DAPK1: variants seen among roughly 807,000 people sequenced by gnomAD.
The protein encoded by DAPK1 is death associated protein kinase 1.
A neutral mutation model predicts 144.9 loss-of-function variants in DAPK1; 56 were observed. The ratio of observed to expected loss-of-function variants is 0.39; its 90% confidence interval spans 0.31 to 0.48. DAPK1 has a LOEUF of 0.48. Among genes scored for constraint, DAPK1 ranks in the 20% least tolerant of loss-of-function variants. The probability of loss-of-function intolerance (pLI) is 0.95; values close to 1 mark genes in which losing one functional copy is unlikely to be tolerated. For synonymous variants in DAPK1, 690 were observed against 749.0 expected (o/e 0.92, Z 1.29); for missense variants, 1,454 against 1,875.4 (o/e 0.78, Z 4.15).
intron 2 of DAPK1, among the ~76,000 whole-genome samples, chr9:87,533,478 G>A (rs144032836): frequency 1.4e-3 from 206 of 152,326 alleles, no homozygotes; most frequent in African/African-American, 4.7e-3. Context: ...GAAGGCACCT[G>A]CTCCTGTGGG....
intron 2 of DAPK1, among the ~76,000 whole-genome samples, chr9:87,549,773 T>C (rs967131193): frequency 6.6e-6 from 1 of 152,178 alleles, no homozygotes; most frequent in African/African-American, 2.4e-5. Context: ...TCAGTGTTAA[T>C]GTTTTTCCAC....
intron 3 of DAPK1, among the ~76,000 whole-genome samples, chr9:87,611,433 A>T (rs1828924685): frequency 6.6e-6 from 1 of 152,002 alleles, no homozygotes; most frequent in Admixed American, 6.6e-5. Flanking sequence ...CTGGGGTGTA[A>T]GCCACTGGGC....
At chr9:87,665,403 G>C (rs1831016043) in intron 18 of DAPK1, among the ~76,000 whole-genome samples, 2 of 152,196 alleles carry the variant, frequency 1.3e-5, no homozygotes, top group South Asian at 4.1e-4. Context: ...GTGCTAAGTA[G>C]ATGAGCCCTT....
chr9:87,511,867 C>T (rs760459557), intron 2 of DAPK1, among the ~76,000 whole-genome samples: 4 of 151,938 alleles, frequency 2.6e-5, no homozygotes. Context: ...CCTGCCACTA[C>T]ACCCAGCTAA....
chr9:87,679,396 C>T (rs1245389577), intron 19 of DAPK1, among the ~76,000 whole-genome samples: 1 of 152,072 alleles, frequency 6.6e-6, no homozygotes, highest in African/African-American at 2.4e-5. Context: ...CAGGCTGCAC[C>T]TCACGGCTCC....
At chr9:87,610,559 A>G (rs1156701993) in intron 3 of DAPK1, among the ~76,000 whole-genome samples, 1 of 152,238 alleles carries the variant, frequency 6.6e-6, no homozygotes, top group Non-Finnish European at 1.5e-5. Context: ...ACAGCTAGGT[A>G]TTTTGGTCTG....
At chr9:87,659,931 A>C (rs74751683) in intron 18 of DAPK1, among the ~76,000 whole-genome samples, 1 of 152,128 alleles carries the variant, frequency 6.6e-6, no homozygotes, top group African/African-American at 2.4e-5. Flanking sequence ...TGGGAGAGGG[A>C]TGCTGACCTG....
At chr9:87,621,730 C>CT (rs1278428538) in intron 3 of DAPK1, among the ~76,000 whole-genome samples, 1 of 152,096 alleles carries the variant, frequency 6.6e-6, no homozygotes, top group Non-Finnish European at 1.5e-5. Context: ...TGACTCTGGG[C>CT]TTTTTTCTCT....
At chr9:87,642,448 G>T (rs540553567) in intron 10 of DAPK1, among the ~76,000 whole-genome samples, 10 of 152,278 alleles carry the variant, frequency 6.6e-5, no homozygotes, top group South Asian at 4.2e-4. Flanking sequence ...TCTCAGCCCA[G>T]CCTTTATCTG....
chr9:87,622,668 T>C (rs998781823), intron 3 of DAPK1, among the ~76,000 whole-genome samples: 2 of 152,140 alleles, frequency 1.3e-5, no homozygotes, highest in East Asian at 1.9e-4. Context: ...CCTAGCACTT[T>C]GGGAGGCCGA....
At chr9:87,660,592 C>T (rs1830807931) in intron 18 of DAPK1, among the ~76,000 whole-genome samples, 1 of 152,162 alleles carries the variant, frequency 6.6e-6, no homozygotes, top group East Asian at 1.9e-4. Flanking sequence ...GAGCAAAGCA[C>T]ATTGTACCCA....
At chr9:87,625,780 T>C (rs1829469360) in intron 3 of DAPK1, among the ~76,000 whole-genome samples, 1 of 152,244 alleles carries the variant, frequency 6.6e-6, no homozygotes, top group Non-Finnish European at 1.5e-5. Flanking sequence ...TGCAGAAAGA[T>C]TGATAAGTTT....
intron 3 of DAPK1, among the ~76,000 whole-genome samples, chr9:87,615,868 C>G (rs1419929204): frequency 2.0e-5 from 3 of 152,230 alleles, no homozygotes; most frequent in Admixed American, 6.5e-5. Context: ...CAGACAGTAG[C>G]CTCTTGGAGA....
At chr9:87,572,949 C>A (rs1480653299) in intron 2 of DAPK1, among the ~76,000 whole-genome samples, 7 of 152,182 alleles carry the variant, frequency 4.6e-5, no homozygotes, top group African/African-American at 7.2e-5. Flanking sequence ...TATTGCCAAG[C>A]CTGGCTGAGA....
chr9:87,649,332 C>G (rs1196700820), intron 15 of DAPK1, among the ~76,000 whole-genome samples: 1 of 152,194 alleles, frequency 6.6e-6, no homozygotes, highest in Non-Finnish European at 1.5e-5. Context: ...GATGTTGATC[C>G]TGAAGATACA....
chr9:87,538,372 C>G (rs902111472), intron 2 of DAPK1, among the ~76,000 whole-genome samples: 5 of 152,184 alleles, frequency 3.3e-5, no homozygotes, highest in African/African-American at 1.2e-4. Flanking sequence ...AATATTCAGT[C>G]ATTTCCCAAG....
At chr9:87,658,392 A>G (rs895198754) in intron 18 of DAPK1, among the ~76,000 whole-genome samples, 1 of 151,980 alleles carries the variant, frequency 6.6e-6, no homozygotes, top group Non-Finnish European at 1.5e-5. Flanking sequence ...TTTGTTTTTC[A>G]TGTCACACAC....
intron 18 of DAPK1, among the ~76,000 whole-genome samples, chr9:87,664,357 A>G (rs1830975213): frequency 6.6e-6 from 1 of 152,136 alleles, no homozygotes; most frequent in Non-Finnish European, 1.5e-5. Context: ...ACACAGGCAC[A>G]CATCTCTCTG....
intron 2 of DAPK1, among the ~76,000 whole-genome samples, chr9:87,597,415 A>C (rs994907791): frequency 6.6e-6 from 1 of 152,136 alleles, no homozygotes; most frequent in Non-Finnish European, 1.5e-5. Context: ...ATGGGGGGGA[A>C]AATGTAGAGA....
Sources: gnomAD v4.1 joint callset for allele counts (sites outside exome capture counted in the v4.1 genomes callset) on GRCh38, gnomAD v4.1.1 for gene constraint, MANE v1.5 for transcripts, NCBI Gene and HGNC (gene_info 2026-07-23, HGNC 2026-07-21) for gene names.